The following JAG2 variants were observed in gnomAD, a reference collection of about 807,000 sequenced individuals.
JAG2 encodes jagged canonical Notch ligand 2.
A neutral mutation model predicts 141.7 loss-of-function variants in JAG2; 46 were observed. That is an observed-to-expected ratio of 0.32 (90% confidence interval 0.26 to 0.42). The LOEUF (loss-of-function observed/expected upper bound fraction) is 0.42. JAG2 is among the 10% of genes least tolerant of loss of function. JAG2 has a pLI of 1.00. For missense variants in JAG2, 1,500 were observed against 1,817.5 expected, an observed-to-expected ratio of 0.83 and a Z score of 3.18; for synonymous variants, 862 against 763.5, an observed-to-expected ratio of 1.13 and a Z score of -2.13.
rs758122188 is a variant in JAG2, at chr14:105,168,033, G to T, written c.141C>A (p.Gly47=). ...LRNVNGELLS[G]ACCDGDGRTT... ...TCCGGCCGTCGCCGTCACAGCAGGC[G>T]CCGCTCAGCAGCTCCCCGTTCACGT... Residue 47 remains glycine (G), a synonymous_variant, in exon 2 of 26, where the codon GGC becomes GGA. Transcript: ENST00000331782. 3 of 1,595,574 alleles carry T rather than the reference G, an allele frequency of 1.9e-6. No homozygotes were observed. Among genetic ancestry groups the T allele is most frequent in the Non-Finnish European group, 2.5e-6 (3 of 1,176,618 alleles).
At chr14:105,145,644 C>G in intron 23 of JAG2, 87 bp downstream of exon 23, 3 of 1,504,944 alleles carry the variant, frequency 2.0e-6, no homozygotes, top group Non-Finnish European at 2.7e-6. Flanking sequence ...CAGGGCCTCC[C>G]TGCCCTGCGG....
intron 5 of JAG2, among the ~76,000 whole-genome samples, chr14:105,153,697 G>A (rs1888503530): frequency 6.6e-6 from 1 of 152,180 alleles, no homozygotes. Flanking sequence ...AAGAGGGGCA[G>A]GCGGAGCTCA....
intron 2 of JAG2, among the ~76,000 whole-genome samples, chr14:105,159,162 C>T (rs1888659718): frequency 6.6e-6 from 1 of 151,506 alleles, no homozygotes; most frequent in Non-Finnish European, 1.5e-5. Context: ...GACTGTCCCT[C>T]AAATACAGAC....
chr14:105,156,639 C>A (rs1488695706), intron 3 of JAG2, among the ~76,000 whole-genome samples: 2 of 152,160 alleles, frequency 1.3e-5, no homozygotes, highest in Non-Finnish European at 2.9e-5. Flanking sequence ...CCGGTCCCTG[C>A]GCTTAGGCAC....
At chr14:105,157,616 G>C in intron 3 of JAG2, 90 bp downstream of exon 3, 1 of 1,230,344 alleles carries the variant, frequency 8.1e-7, no homozygotes, top group Non-Finnish European at 1.2e-6. Context: ...GGTAAAGCAA[G>C]GCTTTGTCCC....
rs186044971 is a variant in JAG2 at position 105,158,044 on chromosome 14, C to G, written c.418-281G>C. Among the ~76,000 whole-genome samples, 212 of 152,316 alleles carry G rather than the reference C, an allele frequency of 1.4e-3. 2 individuals are homozygous for G. Among genetic ancestry groups the G allele is most frequent in the Middle Eastern group, 6.8e-3 (2 of 294 alleles). ...TGCCAGAGGCCCAGCCTGCCCTGAG[C>G]TGGCTCAAGTCAGCACGGAGCACAG... On this transcript the variant is annotated intron_variant, in intron 2 of 25. Transcript: ENST00000331782.
At position 105,147,520 on chromosome 14, in the gene JAG2, G is replaced by A. The variant is rs587715898; in HGVS notation, c.2373C>T (p.Asn791=). 149 of 1,612,070 alleles carry A rather than the reference G, an allele frequency of 9.2e-5. No individual in the cohort carries two copies. The highest frequency in any genetic ancestry group is 8.3e-5 in the Admixed American group (5 of 60,024). Residue 791 remains asparagine, a synonymous_variant, in exon 19 of 26, where the codon AAC becomes AAT. Coordinates refer to ENST00000331782, the MANE Select transcript of JAG2 (RefSeq NM_002226.5). ...WEGRTCTHNT[N]DCNPLPCYNG... is the part of the protein sequence containing the mutation. ...CTCACCAAGGCAGAGGGTTGCAGTCGTTGGTATCTGGTTTGGGAGAAGAGA... is the reference window on the plus strand; with the variant it reads ...CTCACCAAGGCAGAGGGTTGCAGTCATTGGTATCTGGTTTGGGAGAAGAGA...
In JAG2 at chr14:105,146,832, G is replaced by T; in HGVS notation, c.2480-108C>A. 3.4e-6 allele frequency: 3 copies of T among 890,528 alleles called. 1 individual carries two copies. Among genetic ancestry groups the T allele is most frequent in the Non-Finnish European group, 5.4e-6 (3 of 550,758 alleles). The allele number at this position is 890,528 out of a possible 1,614,324, so 55.2% of individuals were successfully genotyped here. ...AGTGGCACACAGGCGCAAGCCCCAGGACAATGAGGAGCAGCCCCTGCCCCC... is the reference window on the plus strand; with the variant it reads ...AGTGGCACACAGGCGCAAGCCCCAGTACAATGAGGAGCAGCCCCTGCCCCC... On this transcript the variant is annotated intron_variant, in intron 20 of 25. Coordinates refer to ENST00000331782, the MANE Select transcript of JAG2 (RefSeq NM_002226.5).
In JAG2 at chr14:105,145,801, G is replaced by T. The variant is rs1243293784; in HGVS notation, c.2882C>A (p.Pro961Gln). The T allele has an allele frequency of 1.3e-6, 2 of 1,572,436 alleles. No homozygotes were observed. The highest frequency in any genetic ancestry group is 1.7e-6 in the Non-Finnish European group (2 of 1,159,552). The stretch of plus-strand genomic sequence containing the variant: ...GTTATTGTCCAGGTGGCCGGAGCGT[G>T]GCAGGCAGGGGGTGCTCGGTGGCTC... ...AEEPPSTPCL[P>Q]RSGHLDNNCA... Residue 961 changes from proline to glutamine, a missense_variant, in exon 23 of 26, where the codon CCA becomes CAA. Around this residue, in one of 3 missense-constraint regions of JAG2, gnomAD observed 425 missense variants for 441.0 expected, o/e 0.96. Transcript: ENST00000331782.
In JAG2 at chr14:105,143,756, C is replaced by T. The variant is rs143961550; in HGVS notation, c.3085-118G>A. On this transcript the variant is annotated intron_variant, in intron 24 of 25. Coordinates refer to ENST00000331782, the MANE Select transcript of JAG2 (RefSeq NM_002226.5). ...AAGGTGGGCGCACGGGAGACGAGAG[C>T]CCGGGGTCCTGCAGTGGCGACTTCA... 48 of 1,274,924 alleles carry T rather than the reference C, an allele frequency of 3.8e-5. No individual in the cohort carries two copies. The East Asian group carries it at 5.0e-4, about 13-fold the overall frequency. The allele number at this position is 1,274,924 out of a possible 1,614,324, so 79.0% of individuals were successfully genotyped here. A position where few individuals can be genotyped will look rare whatever the true frequency, so the allele number is the denominator to read the frequency against.
chr14:105,168,186 G>A, intron 1 of JAG2, 79 bp from the exon 2 acceptor site: 2 of 1,185,768 alleles, frequency 1.7e-6, no homozygotes, highest in Non-Finnish European at 2.1e-6. Flanking sequence ...GGGGGAACAG[G>A]CCCCGCCGCC....
rs752876796 is a variant in JAG2 at position 105,148,447 on chromosome 14, C to T, written c.2021-8G>A. ...GAAGGCAGTCGTTGGGATCTGGGGGCGAGGACGCCGGTCAGCGGGCGGGGG... is the reference window on the plus strand; with the variant it reads ...GAAGGCAGTCGTTGGGATCTGGGGGTGAGGACGCCGGTCAGCGGGCGGGGG... On this transcript the variant is annotated splice_region_variant and splice_polypyrimidine_tract_variant and intron_variant, in intron 15 of 25. Coordinates refer to ENST00000331782, the MANE Select transcript of JAG2 (RefSeq NM_002226.5). 11 of 1,604,768 alleles carry T rather than the reference C, an allele frequency of 6.9e-6. No homozygotes were observed. The highest frequency in any genetic ancestry group is 1.6e-4 in the Middle Eastern group (1 of 6,062).
At chr14:105,157,793 C>G (rs1461159275) in intron 2 of JAG2, 30 bp from the exon 3 acceptor site, 20 of 1,550,932 alleles carry the variant, frequency 1.3e-5, no homozygotes, top group Non-Finnish European at 1.7e-5. Flanking sequence ...GGTCAGGTAC[C>G]TGAGGCCACA....
intron 9 of JAG2, 61 bp downstream of exon 9, chr14:105,151,213 CGCAGCCCCA>C (rs3830678): frequency 7.7e-5 from 106 of 1,372,702 alleles, no homozygotes; most frequent in South Asian, 5.3e-4. Flanking sequence ...CAGCAGCCCC[CGCAGCCCCA>C]GCAGCCCCCG....
intron 18 of JAG2, 57 bp from the exon 19 acceptor site, chr14:105,147,584 C>A: frequency 1.3e-6 from 2 of 1,557,936 alleles, no homozygotes. Context: ...GCGTGCCAGG[C>A]ACTGTCCAGG....
At position 105,150,917 on chromosome 14, in the gene JAG2, G is replaced by A. The variant is rs771491190; in HGVS notation, c.1382-6C>T. On this transcript the variant is annotated splice_polypyrimidine_tract_variant and splice_region_variant and intron_variant, in intron 10 of 25. Coordinates refer to ENST00000331782, the MANE Select transcript of JAG2 (RefSeq NM_002226.5). The stretch of plus-strand genomic sequence containing the variant: ...CCCGCGACAGTCGTTGACGTCTGGG[G>A]GCAGAGGAGCAGGGTCAGAGGCGGG... 28 of 1,595,218 alleles carry A rather than the reference G, an allele frequency of 1.8e-5. No individual in the cohort carries two copies. In the Admixed American group the frequency reaches 4.5e-4, roughly 26 times the overall value.
At chr14:105,166,883 G>A (rs1888928318) in intron 2 of JAG2, among the ~76,000 whole-genome samples, 1 of 152,174 alleles carries the variant, frequency 6.6e-6, no homozygotes, top group African/African-American at 2.4e-5. Context: ...CCAGCACAAT[G>A]ACCAAGCAGG....
At chr14:105,166,506 G>C (rs1185672806) in intron 2 of JAG2, among the ~76,000 whole-genome samples, 1 of 152,254 alleles carries the variant, frequency 6.6e-6, no homozygotes, top group Admixed American at 6.5e-5. Flanking sequence ...CCCTCTCTGG[G>C]GCCCCCCTGG....
At chr14:105,146,900 C>A in intron 20 of JAG2, 176 bp from the exon 21 acceptor site, 1 of 681,442 alleles carries the variant, frequency 1.5e-6, no homozygotes, top group South Asian at 1.6e-5. Flanking sequence ...TGAGCCCAGC[C>A]TGACCCTGGC....
Sources: gnomAD v4.1 joint callset for allele counts (sites outside exome capture counted in the v4.1 genomes callset) on GRCh38, gnomAD v4.1.1 for gene constraint, gnomAD v4.1.1 regional missense constraint, MANE v1.5 for transcripts, NCBI Gene and HGNC (gene_info 2026-07-23, HGNC 2026-07-21) for gene names.